TRPC4: variants seen among roughly 807,000 people sequenced by gnomAD.
The protein encoded by TRPC4 is short transient receptor potential channel 4.
Under a neutral mutation model 99.4 loss-of-function variants are expected in TRPC4, and 49 were observed. The observed-to-expected ratio is 0.49, with a 90% CI of 0.39 to 0.63. The LOEUF is 0.63. TRPC4 is among the 20% of genes least tolerant of loss of function. The probability of loss-of-function intolerance (pLI) is 0.00; values close to 1 mark genes in which losing one functional copy is unlikely to be tolerated. For missense variants in TRPC4, 898 were observed against 1,152.9 expected (o/e 0.78, Z 3.20); for synonymous variants, 454 against 425.9 (o/e 1.07, Z -0.81).
At chr13:37,666,632 G>A (rs529038250) in intron 5 of TRPC4, among the ~76,000 whole-genome samples, 2 of 152,004 alleles carry the variant, frequency 1.3e-5, no homozygotes, top group East Asian at 1.9e-4. Context: ...TCAATCAGTC[G>A]ATGAATTTTC....
chr13:37,693,019 A>T (rs1429960592), intron 3 of TRPC4, among the ~76,000 whole-genome samples: 2 of 152,136 alleles, frequency 1.3e-5, no homozygotes. Context: ...CAGACATGGC[A>T]TCATTCTATC....
Position 37,692,351 on chromosome 13 carries a change from A to C in TRPC4, c.898-16T>G. ...GGGCAACAAACTAAACAGAAGGGAA[A>C]GGAAAAGGAAAAATAAGTCACAGTT... On this transcript the variant is annotated splice_polypyrimidine_tract_variant and intron_variant, in intron 3 of 10. Coordinates refer to ENST00000379705, the MANE Select transcript of TRPC4 (RefSeq NM_016179.4). The C allele has an allele frequency of 6.3e-7, 1 of 1,597,636 alleles. No homozygotes were observed. The highest frequency in any genetic ancestry group is 8.5e-7 in the Non-Finnish European group (1 of 1,170,278).
rs533490596 is a variant in TRPC4 at position 37,865,134 on chromosome 13, T to C, written c.-28+4461A>G. Among the ~76,000 whole-genome samples, 17 of 151,852 alleles carry C rather than the reference T, an allele frequency of 1.1e-4. No homozygotes were observed. The East Asian group carries it at 3.3e-3, about 29-fold the overall frequency. On this transcript the variant is annotated intron_variant, in intron 1 of 10. Coordinates refer to ENST00000379705, the MANE Select transcript of TRPC4 (RefSeq NM_016179.4). ...TATGTTTAGTAAATATCATGACAAATTCAGCTAATCGATGTCTTTTGGGAT... is the reference window on the plus strand; with the variant it reads ...TATGTTTAGTAAATATCATGACAAACTCAGCTAATCGATGTCTTTTGGGAT...
chr13:37,681,473 T>C (rs1411412727), intron 4 of TRPC4, among the ~76,000 whole-genome samples: 5 of 152,174 alleles, frequency 3.3e-5, no homozygotes, highest in Admixed American at 3.3e-4. Flanking sequence ...TTTGTTATTG[T>C]TCCAGATTGA....
intron 4 of TRPC4, among the ~76,000 whole-genome samples, chr13:37,676,460 C>A (rs560757714): frequency 6.6e-6 from 1 of 151,828 alleles, no homozygotes; most frequent in South Asian, 2.1e-4. Flanking sequence ...ACAATCTCCG[C>A]CTCCTGGGTT....
At chr13:37,699,694 T>C (rs533870274) in intron 3 of TRPC4, among the ~76,000 whole-genome samples, 1 of 152,314 alleles carries the variant, frequency 6.6e-6, no homozygotes, top group South Asian at 2.1e-4. Flanking sequence ...TAAATATACA[T>C]GTTAAATTCA....
intron 1 of TRPC4, among the ~76,000 whole-genome samples, chr13:37,838,549 A>C (rs2139626059): frequency 6.6e-6 from 1 of 152,296 alleles, no homozygotes; most frequent in Admixed American, 6.5e-5. Context: ...ATAATTACTA[A>C]AATATGTCAT....
rs78273435 is a variant in TRPC4 at position 37,779,227 on chromosome 13, T to C, written c.378+3729A>G. 2.6e-5 allele frequency among the ~76,000 whole-genome samples: 4 copies of C among 152,054 alleles called. No homozygotes were observed. The East Asian group carries it at 5.8e-4, about 22-fold the overall frequency. On this transcript the variant is annotated intron_variant, in intron 2 of 10. Coordinates refer to ENST00000379705, the MANE Select transcript of TRPC4 (RefSeq NM_016179.4). The stretch of plus-strand genomic sequence containing the variant: ...AAATAATGAAAAGTCAAGTTACCAA[T>C]CAATGGACTGAAATGAGGGTTAAGA...
At chr13:37,837,727 G>A (rs1191752883) in intron 1 of TRPC4, among the ~76,000 whole-genome samples, 1 of 152,168 alleles carries the variant, frequency 6.6e-6, no homozygotes, top group South Asian at 2.1e-4. Context: ...AGTTAATGCT[G>A]AAATGAGTTA....
At chr13:37,697,369 T>A (rs1953941196) in intron 3 of TRPC4, among the ~76,000 whole-genome samples, 2 of 152,138 alleles carry the variant, frequency 1.3e-5, no homozygotes, top group Non-Finnish European at 2.9e-5. Context: ...TGAAATAAAC[T>A]GAAAATTTAA....
intron 1 of TRPC4, among the ~76,000 whole-genome samples, chr13:37,807,232 AC>A (rs1362230593): frequency 6.6e-6 from 1 of 151,860 alleles, no homozygotes; most frequent in East Asian, 1.9e-4. Context: ...AGGCCTCAAA[AC>A]CCTTGCTTGC....
chr13:37,868,291 G>GT (rs11390899), intron 1 of TRPC4, among the ~76,000 whole-genome samples: 106,703 of 151,394 alleles, frequency 0.7, 37,653 homozygotes, highest in Admixed American at 0.75. Flanking sequence ...TGATCTTATT[G>GT]TTTTTTTTCC....
At chr13:37,756,535 C>CTT (rs34355727) in intron 2 of TRPC4, among the ~76,000 whole-genome samples, 7 of 137,312 alleles carry the variant, frequency 5.1e-5, no homozygotes, top group African/African-American at 1.3e-4. Context: ...TTTTTTTTTT[C>CTT]TTTTTTTTTT....
intron 1 of TRPC4, among the ~76,000 whole-genome samples, chr13:37,796,588 G>A (rs1321245914): frequency 6.6e-6 from 1 of 152,058 alleles, no homozygotes; most frequent in Non-Finnish European, 1.5e-5. Context: ...AGCTCTCAGG[G>A]AGTTCTTTTG....
Position 37,865,662 on chromosome 13 carries a change from G to A in TRPC4, c.-28+3933C>T, listed in dbSNP as rs151159794. Among the ~76,000 whole-genome samples, 28 of 151,658 alleles carry A rather than the reference G, an allele frequency of 1.8e-4. No individual in the cohort carries two copies. In the East Asian group the frequency reaches 5.0e-3, roughly 27 times the overall value. ...ATTTTTAAAATTCAAGAAACAAATAGCTGAAAAAATGAATTTATGAAACTT... is the reference window on the plus strand; with the variant it reads ...ATTTTTAAAATTCAAGAAACAAATAACTGAAAAAATGAATTTATGAAACTT... On this transcript the variant is annotated intron_variant, in intron 1 of 10. Transcript: ENST00000379705.
intron 3 of TRPC4, among the ~76,000 whole-genome samples, chr13:37,713,924 CT>C (rs1954569182): frequency 6.6e-6 from 1 of 152,056 alleles, no homozygotes; most frequent in Admixed American, 6.6e-5. Context: ...TCTATTTCAA[CT>C]TTTATATAGG....
chr13:37,732,363 A>C (rs1955266038), intron 3 of TRPC4, among the ~76,000 whole-genome samples: 2 of 152,154 alleles, frequency 1.3e-5, no homozygotes, highest in South Asian at 4.1e-4. Flanking sequence ...ACAATGAGAT[A>C]ATAAGTTGGG....
chr13:37,833,221 T>A (rs966133066), intron 1 of TRPC4, among the ~76,000 whole-genome samples: 13 of 152,280 alleles, frequency 8.5e-5, no homozygotes, highest in African/African-American at 3.1e-4. Flanking sequence ...TTTCTGCCAA[T>A]TTTTTCTGAT....
chr13:37,852,273 G>C (rs1012950618), intron 1 of TRPC4, among the ~76,000 whole-genome samples: 12 of 152,152 alleles, frequency 7.9e-5, no homozygotes, highest in African/African-American at 2.9e-4. Context: ...ACTCTGTCTT[G>C]TATTGTGGAT....
Sources: allele counts gnomAD v4.1 joint callset (sites outside exome capture counted in the v4.1 genomes callset), GRCh38; gene constraint gnomAD v4.1.1; transcripts MANE v1.5; gene names NCBI Gene and HGNC (gene_info 2026-07-23, HGNC 2026-07-21).